Variants in TMEM132B observed in about 807,000 individuals in gnomAD.
The protein encoded by TMEM132B is transmembrane protein 132B.
Under a neutral mutation model 90.8 loss-of-function variants are expected in TMEM132B, and 18 were observed. The ratio of observed to expected loss-of-function variants is 0.20; its 90% CI spans 0.14 to 0.29. The LOEUF (loss-of-function observed/expected upper bound fraction) is 0.29, where lower values mean the gene tolerates loss of function less well. Among genes scored for constraint, TMEM132B ranks in the 10% least tolerant of loss-of-function variants. The pLI, the probability that TMEM132B is intolerant of heterozygous loss-of-function variation, is 1.00. For missense variants in TMEM132B, 1,096 were observed against 1,326.8 expected, an observed-to-expected ratio of 0.83 and a Z score of 2.70; for synonymous variants, 504 against 523.3, an observed-to-expected ratio of 0.96 and a Z score of 0.50.
chr12:125,384,908 T>A (rs113734786), intron 2 of TMEM132B, among the ~76,000 whole-genome samples: 43 of 152,328 alleles, frequency 2.8e-4, no homozygotes, highest in African/African-American at 1.0e-3. Flanking sequence ...TGCCTTGGCC[T>A]CCCAAAGTAC....
intron 1 of TMEM132B, among the ~76,000 whole-genome samples, chr12:125,332,618 T>A (rs201261944): frequency 9.2e-5 from 10 of 108,902 alleles, no homozygotes; most frequent in Admixed American, 4.5e-4. Context: ...TTTTTTTTTT[T>A]AAGACAGTAG....
intron 3 of TMEM132B, among the ~76,000 whole-genome samples, chr12:125,484,724 A>T (rs1159053619): frequency 6.6e-6 from 1 of 152,020 alleles, no homozygotes; most frequent in African/African-American, 2.4e-5. Context: ...TTGATCTCCC[A>T]GGCTCAAGCA....
At chr12:125,528,532 G>C (rs1883555401) in intron 4 of TMEM132B, among the ~76,000 whole-genome samples, 1 of 152,270 alleles carries the variant, frequency 6.6e-6, no homozygotes, top group African/African-American at 2.4e-5. Flanking sequence ...TGCCTCTTCT[G>C]TGCCGAGCAC....
intron 3 of TMEM132B, among the ~76,000 whole-genome samples, chr12:125,448,131 G>A (rs1362544394): frequency 1.3e-5 from 2 of 152,092 alleles, no homozygotes; most frequent in African/African-American, 4.8e-5. Context: ...GGGCATGATG[G>A]TGGGTTCCTG....
chr12:125,308,669 G>C (rs1196377031), intron 1 of TMEM132B, among the ~76,000 whole-genome samples: 1 of 151,828 alleles, frequency 6.6e-6, no homozygotes, highest in Non-Finnish European at 1.5e-5. Context: ...AAAGTGAAAA[G>C]TACAAAGAGT....
At chr12:125,366,613 C>T (rs749111646) in intron 2 of TMEM132B, among the ~76,000 whole-genome samples, 1 of 152,144 alleles carries the variant, frequency 6.6e-6, no homozygotes, top group Non-Finnish European at 1.5e-5. Context: ...CTTTGCCTTT[C>T]AACGGTTTAG....
At chr12:125,391,851 C>T (rs1593119526) in intron 2 of TMEM132B, among the ~76,000 whole-genome samples, 1 of 152,210 alleles carries the variant, frequency 6.6e-6, no homozygotes, top group South Asian at 2.1e-4. Flanking sequence ...ACTGCAGCCT[C>T]AACCTCCTGG....
At chr12:125,435,231 C>T (rs190288976) in intron 3 of TMEM132B, among the ~76,000 whole-genome samples, 1 of 152,224 alleles carries the variant, frequency 6.6e-6, no homozygotes, top group African/African-American at 2.4e-5. Flanking sequence ...CCCACTTGCT[C>T]TTCTGAATTA....
chr12:125,494,996 G>T (rs1882508763), intron 3 of TMEM132B, among the ~76,000 whole-genome samples: 3 of 95,042 alleles, frequency 3.2e-5, no homozygotes, highest in African/African-American at 1.3e-4. Flanking sequence ...AAATGGCTGT[G>T]TCCCTCCTCC....
At chr12:125,437,254 G>A (rs976878722) in intron 3 of TMEM132B, among the ~76,000 whole-genome samples, 4 of 152,166 alleles carry the variant, frequency 2.6e-5, no homozygotes, top group Admixed American at 6.5e-5. Flanking sequence ...ATTCCGATGC[G>A]CTGACTATGA....
intron 2 of TMEM132B, among the ~76,000 whole-genome samples, chr12:125,357,272 A>G (rs1877808716): frequency 1.3e-5 from 2 of 152,204 alleles, no homozygotes; most frequent in African/African-American, 4.8e-5. Flanking sequence ...CTGTAATGTG[A>G]TTACTGATTC....
intron 3 of TMEM132B, among the ~76,000 whole-genome samples, chr12:125,505,184 A>ACAAAAC (rs759860832): frequency 0.089 from 12,772 of 144,270 alleles, 1,203 homozygotes; most frequent in Admixed American, 0.24. Context: ...AAAAAAAAAA[A>ACAAAAC]AAAAAAAAAA....
intron 5 of TMEM132B, chr12:125,584,883 G>A (rs1447770620): frequency 1.3e-5 from 2 of 152,196 alleles, no homozygotes; most frequent in African/African-American, 4.8e-5. Context: ...AAATTATTAA[G>A]AGAGCCCCAA....
At chr12:125,496,004 A>T (rs2136581425) in intron 3 of TMEM132B, among the ~76,000 whole-genome samples, 1 of 152,356 alleles carries the variant, frequency 6.6e-6, no homozygotes, top group East Asian at 1.9e-4. Flanking sequence ...AAAGGAGCTT[A>T]ATTCATTGAG....
intron 1 of TMEM132B, among the ~76,000 whole-genome samples, chr12:125,250,735 G>T (rs1048326491): frequency 2.6e-5 from 4 of 152,130 alleles, no homozygotes; most frequent in African/African-American, 9.7e-5. Context: ...AGTAGGAGGG[G>T]GCTGCAAGTG....
intron 1 of TMEM132B, among the ~76,000 whole-genome samples, chr12:125,235,425 A>G (rs1050597522): frequency 2.7e-5 from 4 of 150,134 alleles, no homozygotes; most frequent in African/African-American, 9.8e-5. Context: ...GGGCCCATGG[A>G]GGCTCTTGCT....
At chr12:125,529,403 T>TA (rs1343090956) in intron 4 of TMEM132B, among the ~76,000 whole-genome samples, 1 of 152,188 alleles carries the variant, frequency 6.6e-6, no homozygotes, top group Non-Finnish European at 1.5e-5. Context: ...GGCCTGAAAC[T>TA]TATTAAGTAC....
chr12:125,269,982 C>T (rs1305321975), intron 1 of TMEM132B, among the ~76,000 whole-genome samples: 1 of 151,764 alleles, frequency 6.6e-6, no homozygotes, highest in Non-Finnish European at 1.5e-5. Flanking sequence ...GAGTTCGAGG[C>T]TGCACCATTA....
intron 1 of TMEM132B, among the ~76,000 whole-genome samples, chr12:125,298,293 A>G (rs1180596671): frequency 6.6e-6 from 1 of 151,662 alleles, no homozygotes. Context: ...AAAAAACCCC[A>G]ATACCATTGA....
Sources: allele counts gnomAD v4.1 joint callset (sites outside exome capture counted in the v4.1 genomes callset), GRCh38; gene constraint gnomAD v4.1.1; transcripts MANE v1.5; gene names NCBI Gene and HGNC (gene_info 2026-07-23, HGNC 2026-07-21).